EYA2: variants seen among roughly 807,000 people sequenced by gnomAD.
EYA2 encodes protein phosphatase EYA2.
A neutral mutation model predicts 69.2 loss-of-function variants in EYA2; 31 were observed. That is an observed-to-expected ratio of 0.45 (90% CI 0.34 to 0.60). The LOEUF (loss-of-function observed/expected upper bound fraction) is 0.60. Among genes scored for constraint, EYA2 ranks in the 20% least tolerant of loss-of-function variants. The probability of loss-of-function intolerance (pLI) is 0.02; values close to 1 mark genes in which losing one functional copy is unlikely to be tolerated. For synonymous variants in EYA2, 257 were observed against 279.4 expected, an observed-to-expected ratio of 0.92 and a Z score of 0.80; for missense variants, 622 against 701.2, an observed-to-expected ratio of 0.89 and a Z score of 1.28.
chr20:47,064,254 G>T (rs916547343), intron 5 of EYA2, among the ~76,000 whole-genome samples: 43 of 152,224 alleles, frequency 2.8e-4, no homozygotes, highest in Non-Finnish European at 4.3e-4. Flanking sequence ...ACCATGCCCA[G>T]CCTCATTTGG....
chr20:46,897,978 C>T (rs563767969), intron 1 of EYA2, among the ~76,000 whole-genome samples: 12 of 152,048 alleles, frequency 7.9e-5, no homozygotes, highest in Admixed American at 3.9e-4. Flanking sequence ...GTGTCACGTG[C>T]GGGGCAGTGT....
intron 4 of EYA2, among the ~76,000 whole-genome samples, chr20:47,008,408 T>C (rs1279723206): frequency 6.6e-6 from 1 of 152,222 alleles, no homozygotes; most frequent in Non-Finnish European, 1.5e-5. Context: ...GTGCATTCTG[T>C]AAATCCCGGG....
At chr20:47,064,581 T>C (rs1035527412) in intron 5 of EYA2, among the ~76,000 whole-genome samples, 1 of 152,260 alleles carries the variant, frequency 6.6e-6, no homozygotes, top group Non-Finnish European at 1.5e-5. Flanking sequence ...CAGCTTTTTA[T>C]GCACCGTTTT....
chr20:47,016,442 A>G, intron 5 of EYA2, 145 bp downstream of exon 5: 1 of 649,782 alleles, frequency 1.5e-6, no homozygotes, highest in Non-Finnish European at 2.8e-6. Context: ...TAGATACGAG[A>G]TCTGCCTTTC....
At chr20:47,139,294 A>G (rs2033543883) in intron 9 of EYA2, among the ~76,000 whole-genome samples, 1 of 152,260 alleles carries the variant, frequency 6.6e-6, no homozygotes, top group African/African-American at 2.4e-5. Flanking sequence ...ATATGCCTAT[A>G]GTTTAATATT....
chr20:47,128,284 A>G, intron 9 of EYA2, among the ~76,000 whole-genome samples: 1 of 152,182 alleles, frequency 6.6e-6, no homozygotes, highest in East Asian at 1.9e-4. Context: ...TTAAAGACAC[A>G]CATACTCCAC....
chr20:47,169,294 A>G lies in EYA2; in HGVS notation c.1037+97A>G, dbSNP rs895082495. ...GTGGGGTGGGAGAGGAGGGCTGCTTATAAGGACAAGGAGTGCCTGCCTCCA... is the reference window on the plus strand; with the variant it reads ...GTGGGGTGGGAGAGGAGGGCTGCTTGTAAGGACAAGGAGTGCCTGCCTCCA... On this transcript the variant is annotated intron_variant, in intron 11 of 15. Transcript: ENST00000327619. 5.6e-6 allele frequency: 7 copies of G among 1,255,442 alleles called. No homozygotes were observed. In the African/African-American group the frequency reaches 8.8e-5, roughly 16 times the overall value. 77.8% of individuals were successfully genotyped at this position (1,255,442 alleles called of 1,614,324 possible).
At chr20:46,975,046 G>C (rs1980377609) in intron 1 of EYA2, among the ~76,000 whole-genome samples, 1 of 149,396 alleles carries the variant, frequency 6.7e-6, no homozygotes. Flanking sequence ...TGACATTTTA[G>C]AGATGGAGAA....
At chr20:47,169,366 G>T (rs3091985) in intron 11 of EYA2, among the ~76,000 whole-genome samples, 169 bp downstream of exon 11, 1 of 151,802 alleles carries the variant, frequency 6.6e-6, no homozygotes, top group Non-Finnish European at 1.5e-5. Context: ...TCACAACTAG[G>T]CGGGTGTGGT....
At chr20:46,945,391 C>T (rs545090538) in intron 1 of EYA2, among the ~76,000 whole-genome samples, 85 of 152,312 alleles carry the variant, frequency 5.6e-4, no homozygotes, top group African/African-American at 2.0e-3. Context: ...TGTGTTTAAC[C>T]AGCTCTAAAA....
intron 9 of EYA2, among the ~76,000 whole-genome samples, chr20:47,142,856 G>T (rs185303845): frequency 1.2e-4 from 19 of 152,294 alleles, no homozygotes; most frequent in African/African-American, 4.3e-4. Context: ...AAAAGAAATG[G>T]TGAAAACTGG....
At chr20:47,076,169 CATGT>C (rs775922353) in intron 7 of EYA2, among the ~76,000 whole-genome samples, 8 of 152,210 alleles carry the variant, frequency 5.3e-5, no homozygotes, top group Non-Finnish European at 1.2e-4. Context: ...CATACACATG[CATGT>C]GTCTTTATGG....
chr20:47,145,913 A>G (rs2033690573), intron 10 of EYA2, among the ~76,000 whole-genome samples: 1 of 151,286 alleles, frequency 6.6e-6, no homozygotes, highest in African/African-American at 2.4e-5. Flanking sequence ...AAAAAAAAAA[A>G]GTAAAAAAGA....
intron 1 of EYA2, among the ~76,000 whole-genome samples, chr20:46,930,646 G>C (rs1207609810): frequency 6.6e-6 from 1 of 152,136 alleles, no homozygotes; most frequent in East Asian, 1.9e-4. Context: ...ACATCTTGAG[G>C]AATTCAGCAG....
intron 1 of EYA2, among the ~76,000 whole-genome samples, chr20:46,907,558 G>A (rs753925258): frequency 2.0e-5 from 3 of 152,214 alleles, no homozygotes; most frequent in Non-Finnish European, 4.4e-5. Context: ...CAAGCGTGAG[G>A]CCAGGCGCAG....
intron 1 of EYA2, among the ~76,000 whole-genome samples, chr20:46,907,115 A>C (rs1984397521): frequency 6.6e-6 from 1 of 152,228 alleles, no homozygotes. Context: ...ATTGAAGACC[A>C]CGAGACACAC....
At chr20:46,983,579 C>T (rs1251317774) in intron 1 of EYA2, among the ~76,000 whole-genome samples, 2 of 152,182 alleles carry the variant, frequency 1.3e-5, no homozygotes, top group Non-Finnish European at 2.9e-5. Flanking sequence ...TTTATAGCTA[C>T]CCCCTTTTTG....
intron 1 of EYA2, among the ~76,000 whole-genome samples, chr20:46,980,333 G>A (rs1383908419): frequency 6.6e-6 from 1 of 152,182 alleles, no homozygotes; most frequent in Non-Finnish European, 1.5e-5. Flanking sequence ...TTAGGGCCAG[G>A]TTAAGACCTT....
At chr20:47,098,574 T>C (rs2032325641) in intron 9 of EYA2, among the ~76,000 whole-genome samples, 1 of 152,228 alleles carries the variant, frequency 6.6e-6, no homozygotes, top group African/African-American at 2.4e-5. Flanking sequence ...AACCAAACTG[T>C]GGGCTCCTTC....
Sources: allele counts gnomAD v4.1 joint callset (sites outside exome capture counted in the v4.1 genomes callset), GRCh38; gene constraint gnomAD v4.1.1; transcripts MANE v1.5; gene names NCBI Gene and HGNC (gene_info 2026-07-23, HGNC 2026-07-21).